The following TENM3 variants were observed in gnomAD, a reference collection of about 807,000 sequenced individuals.
TENM3 encodes the protein teneurin-3.
TENM3 carries 63 observed loss-of-function variants against 255.1 expected under a neutral mutation model. The ratio of observed to expected loss-of-function variants is 0.25; its 90% CI spans 0.20 to 0.30. The LOEUF (loss-of-function observed/expected upper bound fraction) is 0.30, where lower values mean the gene tolerates loss of function less well. TENM3 is among the 10% of genes least tolerant of loss of function. TENM3 has a pLI of 1.00. For missense variants in TENM3, 2,929 were observed against 3,461.1 expected, an observed-to-expected ratio of 0.85 and a Z score of 3.86; for synonymous variants, 1,306 against 1,322.3, an observed-to-expected ratio of 0.99 and a Z score of 0.27.
At chr4:181,683,818 G>C in the TENM3 span, among the ~76,000 whole-genome samples, 1 of 152,060 alleles carries the variant, frequency 6.6e-6, no homozygotes, top group East Asian at 1.9e-4. Flanking sequence ...GACAGAAGGT[G>C]GGGGTTCAGA....
At chr4:182,496,223 T>G (rs1205624263) in intron 3 of TENM3, among the ~76,000 whole-genome samples, 1 of 152,200 alleles carries the variant, frequency 6.6e-6, no homozygotes, top group Non-Finnish European at 1.5e-5. Context: ...TATTCCACCT[T>G]AATGGAAGTC....
At chr4:181,718,943 A>C in the TENM3 span, among the ~76,000 whole-genome samples, 1 of 152,024 alleles carries the variant, frequency 6.6e-6, no homozygotes, top group African/African-American at 2.4e-5. Context: ...GCGGCGGCTC[A>C]CGCCTGTAAT....
the TENM3 span, among the ~76,000 whole-genome samples, chr4:182,028,489 G>T: frequency 6.6e-6 from 1 of 151,726 alleles, no homozygotes; most frequent in Non-Finnish European, 1.5e-5. Flanking sequence ...CTATTAATTT[G>T]GGGTTTGGCT....
the TENM3 span, among the ~76,000 whole-genome samples, chr4:181,489,222 A>G: frequency 9.1e-4 from 139 of 152,310 alleles, no homozygotes; most frequent in Non-Finnish European, 1.6e-3. Context: ...TTAGGACTTC[A>G]CTGTCTCTAA....
chr4:181,783,812 G>T, the TENM3 span, among the ~76,000 whole-genome samples: 12 of 152,060 alleles, frequency 7.9e-5, no homozygotes, highest in Admixed American at 7.9e-4. Flanking sequence ...TGCCCCTCAA[G>T]CCTAAGCCTC....
chr4:182,004,934 A>C, the TENM3 span, among the ~76,000 whole-genome samples: 1 of 152,054 alleles, frequency 6.6e-6, no homozygotes, highest in Non-Finnish European at 1.5e-5. Flanking sequence ...CTTCTTGTAA[A>C]TATGTTTACG....
At chr4:182,774,171 T>C (rs1021942680) in intron 23 of TENM3, among the ~76,000 whole-genome samples, 1 of 152,214 alleles carries the variant, frequency 6.6e-6, no homozygotes, top group Non-Finnish European at 1.5e-5. Context: ...CATATTCCTT[T>C]CTAAATTTGA....
chr4:182,334,725 C>G (rs1440569109), intron 2 of TENM3, among the ~76,000 whole-genome samples: 2 of 152,026 alleles, frequency 1.3e-5, no homozygotes, highest in African/African-American at 4.8e-5. Context: ...ATGGTGCTGG[C>G]ACAACTGGTT....
chr4:182,039,419 C>T, the TENM3 span, among the ~76,000 whole-genome samples: 75 of 152,234 alleles, frequency 4.9e-4, no homozygotes, highest in African/African-American at 1.7e-3. Context: ...CAGTTGTTTG[C>T]TGTGCCATGG....
chr4:181,731,792 C>G, the TENM3 span, among the ~76,000 whole-genome samples: 2 of 152,072 alleles, frequency 1.3e-5, no homozygotes, highest in Non-Finnish European at 2.9e-5. Context: ...AAAATAAAGT[C>G]AAGTCACCAT....
the TENM3 span, among the ~76,000 whole-genome samples, chr4:181,932,261 T>C: frequency 6.6e-6 from 1 of 152,116 alleles, no homozygotes; most frequent in Non-Finnish European, 1.5e-5. Context: ...ATTTTTGCTA[T>C]CTATCCATCT....
rs537847320 is a variant in TENM3, at chr4:182,147,829, C to T, written c.-76+3075C>T. Among the ~76,000 whole-genome samples the T allele has an allele frequency of 3.3e-5, 5 of 152,034 alleles. No individual in the cohort carries two copies. In the East Asian group the frequency reaches 7.7e-4, roughly 23 times the overall value. ...TGCCTTGTAAAGTGGAATGATAGCC[C>T]GTAGGAAAATTGAACACATGCATTC... On this transcript the variant is annotated intron_variant, in intron 1 of 2. Coordinates refer to the TENM3 transcript ENST00000512480.
At chr4:182,642,017 A>T (rs1376930313) in intron 5 of TENM3, among the ~76,000 whole-genome samples, 1 of 152,252 alleles carries the variant, frequency 6.6e-6, no homozygotes, top group African/African-American at 2.4e-5. Context: ...GGAAGCAGGG[A>T]ATAACCCACA....
the TENM3 span, among the ~76,000 whole-genome samples, chr4:181,790,297 G>A: frequency 6.6e-6 from 1 of 152,020 alleles, no homozygotes; most frequent in African/African-American, 2.4e-5. Flanking sequence ...TTTTAGAGAT[G>A]GTATAAGAAG....
At chr4:181,475,530 G>A in the TENM3 span, among the ~76,000 whole-genome samples, 3 of 152,186 alleles carry the variant, frequency 2.0e-5, no homozygotes, top group Admixed American at 6.5e-5. Context: ...TTTTAGGTCA[G>A]AATCACTCTG....
At chr4:182,266,129 T>G (rs1759229321) in intron 1 of TENM3, among the ~76,000 whole-genome samples, 1 of 152,240 alleles carries the variant, frequency 6.6e-6, no homozygotes, top group Non-Finnish European at 1.5e-5. Context: ...GTGTCCTGGA[T>G]AGACTCCACA....
At chr4:181,935,822 G>A in the TENM3 span, among the ~76,000 whole-genome samples, 1 of 151,970 alleles carries the variant, frequency 6.6e-6, no homozygotes, top group African/African-American at 2.4e-5. Flanking sequence ...ACCGACATCG[G>A]GCCTTATGGA....
the TENM3 span, among the ~76,000 whole-genome samples, chr4:181,873,259 G>A: frequency 6.6e-6 from 1 of 151,914 alleles, no homozygotes; most frequent in African/African-American, 2.4e-5. Context: ...AGTAGAGATG[G>A]GGTTTTACCA....
At chr4:181,677,690 G>T in the TENM3 span, among the ~76,000 whole-genome samples, 19 of 152,196 alleles carry the variant, frequency 1.2e-4, no homozygotes, top group Admixed American at 9.8e-4. Context: ...TTGTTTAAGA[G>T]AATTGAATGC....
Sources: gnomAD v4.1 joint callset for allele counts (sites outside exome capture counted in the v4.1 genomes callset) on GRCh38, gnomAD v4.1.1 for gene constraint, MANE v1.5 for transcripts, NCBI Gene and HGNC (gene_info 2026-07-23, HGNC 2026-07-21) for gene names.